Variants in TANK observed in about 807,000 individuals in gnomAD.
TANK encodes TRAF family member associated NFKB activator.
TANK carries 15 observed loss-of-function variants against 43.6 expected under a neutral mutation model. That is an observed-to-expected ratio of 0.34 (90% CI 0.23 to 0.53). The LOEUF is 0.53. Ranked by LOEUF, TANK falls within the 20% of genes least tolerant of loss-of-function variation. TANK has a pLI of 0.94. For missense variants in TANK, 417 were observed against 498.6 expected, an observed-to-expected ratio of 0.84 and a Z score of 1.56; for synonymous variants, 162 against 178.2, an observed-to-expected ratio of 0.91 and a Z score of 0.73.
intron 2 of TANK, among the ~76,000 whole-genome samples, chr2:161,195,674 T>A (rs780531083): frequency 8.5e-5 from 13 of 152,086 alleles, no homozygotes; most frequent in African/African-American, 2.2e-4. Flanking sequence ...TGGAGTAATA[T>A]GATTACATGT....
At chr2:161,153,548 C>T (rs947050981) in intron 1 of TANK, among the ~76,000 whole-genome samples, 2 of 151,634 alleles carry the variant, frequency 1.3e-5, no homozygotes, top group African/African-American at 4.9e-5. Context: ...ATTAGCCAGG[C>T]ATGATGGTGC....
chr2:161,153,687 C>CAAAAAAAA (rs11395042), intron 1 of TANK, among the ~76,000 whole-genome samples: 1 of 76,320 alleles, frequency 1.3e-5, no homozygotes. Flanking sequence ...GGCCCTGTCT[C>CAAAAAAAA]AAAAAAAAAA....
chr2:161,208,334 A>T (rs1488777407), intron 4 of TANK, among the ~76,000 whole-genome samples: 1 of 152,154 alleles, frequency 6.6e-6, no homozygotes, highest in African/African-American at 2.4e-5. Context: ...AGAATGCAAA[A>T]ATCCTTTGAC....
chr2:161,180,579 T>C (rs1365265402), intron 2 of TANK, among the ~76,000 whole-genome samples: 4 of 152,176 alleles, frequency 2.6e-5, no homozygotes, highest in East Asian at 1.9e-4. Context: ...TATTAACATA[T>C]ACTTTTGTGA....
chr2:161,158,085 G>A (rs1573956518), upstream of TANK, among the ~76,000 whole-genome samples: 2 of 152,120 alleles, frequency 1.3e-5, no homozygotes, highest in Non-Finnish European at 2.9e-5. Flanking sequence ...TCACTATGTT[G>A]CCCAGGCTGG....
chr2:161,199,413 A>G (rs1176611325), intron 2 of TANK, among the ~76,000 whole-genome samples: 1 of 151,968 alleles, frequency 6.6e-6, no homozygotes, highest in East Asian at 1.9e-4. Flanking sequence ...TTTTTCCCCT[A>G]TGTAAGAAAT....
At chr2:161,222,031 T>C (rs1559005311) in intron 4 of TANK, among the ~76,000 whole-genome samples, 1 of 152,064 alleles carries the variant, frequency 6.6e-6, no homozygotes, top group Non-Finnish European at 1.5e-5. Context: ...TAAGTTAGCA[T>C]CAATTATTTA....
rs184052093 is a variant in TANK at position 161,212,383 on chromosome 2, C to T, written c.327+7590C>T. The T allele has an allele frequency of 1.7e-4, 170 of 984,624 alleles. 1 individual carries two copies. In the East Asian group the frequency reaches 0.011, roughly 65 times the overall value. The allele number at this position is 984,624 out of a possible 1,614,324, so 61.0% of individuals were successfully genotyped here. On this transcript the variant is annotated intron_variant, in intron 4 of 7. Coordinates refer to ENST00000392749, the MANE Select transcript of TANK (RefSeq NM_001199135.3). ...GCTGATACACAAACTCTTAAGAAAA[C>T]AAATATTGATATCCAAAACATTTTA...
chr2:161,145,253 A>C (rs1374177773), intron 1 of TANK, among the ~76,000 whole-genome samples: 1 of 147,080 alleles, frequency 6.8e-6, no homozygotes, highest in East Asian at 2.0e-4. Flanking sequence ...AATACAGCAC[A>C]CTGATGAGTC....
At chr2:161,222,915 C>T (rs1250248159) in intron 4 of TANK, 1 of 151,796 alleles carries the variant, frequency 6.6e-6, no homozygotes, top group Non-Finnish European at 1.5e-5. Flanking sequence ...GAAAAACAAA[C>T]TGAAATCAAG....
At chr2:161,155,004 C>G (rs1684186100) in intron 1 of TANK, among the ~76,000 whole-genome samples, 1 of 152,094 alleles carries the variant, frequency 6.6e-6, no homozygotes, top group Non-Finnish European at 1.5e-5. Flanking sequence ...CTTGGCCTCT[C>G]AAAGTGATGG....
At chr2:161,153,687 CAAAAAAAAAAAAA>C (rs11395042) in intron 1 of TANK, among the ~76,000 whole-genome samples, 2 of 76,340 alleles carry the variant, frequency 2.6e-5, no homozygotes, top group African/African-American at 5.6e-5. Flanking sequence ...GGCCCTGTCT[CAAAAAAAAAAAAA>C]AAAAAAAAAA....
rs186651678 is a variant in TANK at position 161,199,258 on chromosome 2, T to C, written c.100-4229T>C. On this transcript the variant is annotated intron_variant, in intron 2 of 7. Transcript: ENST00000392749. ...GAATTGGGACTATTTCTTTTTTTTT[T>C]CAATCCACTCAACATTTATTAAATT... is the stretch of plus-strand genomic sequence containing the variant. 3.2e-4 allele frequency among the ~76,000 whole-genome samples: 49 copies of C among 152,218 alleles called. 1 individual carries two copies. Among genetic ancestry groups the C allele is most frequent in the African/African-American group, 1.2e-3 (49 of 41,560 alleles).
intron 1 of TANK, chr2:161,137,210 C>T (rs779339941): frequency 1.4e-5 from 14 of 985,320 alleles, no homozygotes; most frequent in Admixed American, 6.1e-5. Flanking sequence ...TTGTAGTTAA[C>T]GTCATAGTTA....
rs1686488315 is a variant in TANK, at chr2:161,202,973, GTTT to G, written c.100-513_100-511del. 1.6e-5 allele frequency: 6 copies of G among 371,884 alleles called. No individual in the cohort carries two copies. In the Admixed American group the frequency reaches 2.3e-4, roughly 14 times the overall value. The allele number at this position is 371,884 out of a possible 1,614,324, so 23.0% of individuals were successfully genotyped here. ...TAATTTCTTAAAACTTAGTGGAGAA[GTTT>G]CTGGTCAGTATAATTTTATAATTTG... On this transcript the variant is annotated intron_variant, in intron 2 of 7. Transcript: ENST00000392749.
intron 4 of TANK, among the ~76,000 whole-genome samples, chr2:161,216,010 AAG>A (rs1428326961): frequency 6.6e-6 from 1 of 152,102 alleles, no homozygotes; most frequent in African/African-American, 2.4e-5. Flanking sequence ...CCTCCCTGAT[AAG>A]TCCCTTTTGG....
At chr2:161,180,046 AATAAGG>A in intron 2 of TANK, 1 of 1,041,480 alleles carries the variant, frequency 9.6e-7, no homozygotes, top group Non-Finnish European at 1.2e-6. Flanking sequence ...AGTATTTATA[AATAAGG>A]AGGAAATAAC....
chr2:161,213,384 C>T (rs1248207260), intron 4 of TANK, among the ~76,000 whole-genome samples: 1 of 152,142 alleles, frequency 6.6e-6, no homozygotes, highest in Non-Finnish European at 1.5e-5. Flanking sequence ...GGGTGGATCA[C>T]TTGAGGTCAG....
chr2:161,176,050 A>C (rs2105286664), intron 1 of TANK, among the ~76,000 whole-genome samples: 1 of 152,292 alleles, frequency 6.6e-6, no homozygotes, highest in East Asian at 1.9e-4. Flanking sequence ...TTGCTATAGC[A>C]TCAGCCTCTT....
Sources: gnomAD v4.1 joint callset for allele counts (sites outside exome capture counted in the v4.1 genomes callset) on GRCh38, gnomAD v4.1.1 for gene constraint, MANE v1.5 for transcripts, NCBI Gene and HGNC (gene_info 2026-07-23, HGNC 2026-07-21) for gene names.